Variants in DSG3 observed in about 807,000 individuals in gnomAD.
DSG3 encodes desmoglein-3.
A neutral mutation model predicts 85.9 loss-of-function variants in DSG3; 63 were observed. The observed-to-expected ratio is 0.73, with a 90% confidence interval of 0.60 to 0.90. DSG3 has a LOEUF of 0.90. Among genes scored for constraint, DSG3 ranks in the 40% least tolerant of loss-of-function variants. The probability of loss-of-function intolerance (pLI) is 0.00; values close to 1 mark genes in which losing one functional copy is unlikely to be tolerated. For missense variants in DSG3, 1,220 were observed against 1,219.9 expected (o/e 1.00, Z 0.00); for synonymous variants, 447 against 441.9 (o/e 1.01, Z -0.14).
At chr18:31,449,938 T>G (rs1360374826) in intron 1 of DSG3, among the ~76,000 whole-genome samples, 1 of 152,206 alleles carries the variant, frequency 6.6e-6, no homozygotes, top group East Asian at 1.9e-4. Flanking sequence ...AGACTTTGAA[T>G]GAACAAAAGA....
chr18:31,472,059 C>A (rs1001529319), intron 12 of DSG3, among the ~76,000 whole-genome samples: 1 of 151,956 alleles, frequency 6.6e-6, no homozygotes, highest in African/African-American at 2.4e-5. Flanking sequence ...AAAATAACAA[C>A]AAGAAATGAT....
At chr18:31,449,838 C>A (rs1050821713) in intron 1 of DSG3, among the ~76,000 whole-genome samples, 2 of 152,152 alleles carry the variant, frequency 1.3e-5, no homozygotes, top group Non-Finnish European at 2.9e-5. Flanking sequence ...TGGTAGCCAC[C>A]AGCCACATGT....
intron 1 of DSG3, among the ~76,000 whole-genome samples, chr18:31,453,239 A>C (rs972018804): frequency 3.3e-5 from 5 of 152,222 alleles, no homozygotes; most frequent in Non-Finnish European, 5.9e-5. Context: ...GGACTGATTT[A>C]TTTGAATTAT....
rs141462123 is a variant in DSG3, at chr18:31,467,947, C to T, written c.1637-1142C>T. Among the ~76,000 whole-genome samples the T allele has an allele frequency of 2.3e-3, 345 of 152,282 alleles. 1 individual carries two copies. Among genetic ancestry groups the T allele is most frequent in the Non-Finnish European group, 3.7e-3 (254 of 68,032 alleles). On this transcript the variant is annotated intron_variant, in intron 11 of 15. Transcript: ENST00000257189. ...CCAAATGAGTTTACTGGATACGTGG[C>T]CAATGAAGAGGCTGCCAAAGAAAGA...
At chr18:31,472,896 G>A in intron 14 of DSG3, 108 bp downstream of exon 14, 2 of 954,038 alleles carry the variant, frequency 2.1e-6, no homozygotes, top group Non-Finnish European at 3.2e-6. Flanking sequence ...GTGTGCACAT[G>A]TCAGGAGCTG....
chr18:31,474,701 G>A (rs2072876437), intron 15 of DSG3, among the ~76,000 whole-genome samples: 1 of 152,126 alleles, frequency 6.6e-6, no homozygotes, highest in Non-Finnish European at 1.5e-5. Flanking sequence ...GCTGCAGTGA[G>A]CTATGATGGC....
intron 12 of DSG3, among the ~76,000 whole-genome samples, 170 bp downstream of exon 12, chr18:31,469,519 G>A (rs769734013): frequency 1.7e-4 from 26 of 152,092 alleles, no homozygotes; most frequent in Admixed American, 1.2e-3. Flanking sequence ...GTAACATGTC[G>A]CTTGCTAACA....
At chr18:31,456,324 A>T in intron 1 of DSG3, 116 bp from the exon 2 acceptor site, 1 of 725,494 alleles carries the variant, frequency 1.4e-6, no homozygotes, top group African/African-American at 1.8e-5. Flanking sequence ...ACTTCTTTTG[A>T]AATAGAAACA....
chr18:31,477,578 A>C lies in DSG3; in HGVS notation c.*1318A>C, dbSNP rs1217150809. ...GGATATGGAAAGGGAATTATGAGTA[A>C]CCTCTATTTTTTAAGCCTTGCTTTT... On this transcript the variant is annotated 3_prime_UTR_variant, in exon 16 of 16. Transcript: ENST00000257189. 1.3e-5 allele frequency: 2 copies of C among 152,172 alleles called. No homozygotes were observed. Among genetic ancestry groups the C allele is most frequent in the Non-Finnish European group, 2.9e-5 (2 of 68,026 alleles). 9.4% of individuals were successfully genotyped at this position (152,172 alleles called of 1,614,324 possible).
chr18:31,454,024 C>G (rs1024101789), intron 1 of DSG3, among the ~76,000 whole-genome samples: 1 of 152,078 alleles, frequency 6.6e-6, no homozygotes, highest in Non-Finnish European at 1.5e-5. Flanking sequence ...TAAATATTAA[C>G]TAAAATAATT....
intron 4 of DSG3, 84 bp from the exon 5 acceptor site, chr18:31,458,949 C>T: frequency 6.8e-7 from 1 of 1,470,252 alleles, no homozygotes; most frequent in Non-Finnish European, 9.3e-7. Context: ...GATGTCCATG[C>T]CAACAGAGGC....
chr18:31,449,762 T>G (rs2072700287), intron 1 of DSG3, among the ~76,000 whole-genome samples: 1 of 152,178 alleles, frequency 6.6e-6, no homozygotes, highest in Admixed American at 6.5e-5. Context: ...CACATGCTGT[T>G]TAAACAACAG....
At chr18:31,452,030 G>T (rs1053696679) in intron 1 of DSG3, among the ~76,000 whole-genome samples, 13 of 152,144 alleles carry the variant, frequency 8.5e-5, no homozygotes, top group African/African-American at 3.1e-4. Flanking sequence ...CTGTGCAGCT[G>T]GCTAGGTTGT....
intron 1 of DSG3, among the ~76,000 whole-genome samples, chr18:31,448,767 T>C (rs1433848204): frequency 6.6e-6 from 1 of 152,112 alleles, no homozygotes; most frequent in African/African-American, 2.4e-5. Context: ...ATTTGTATGG[T>C]TTCCATGATA....
chr18:31,466,114 C>T (rs373303096), intron 10 of DSG3, among the ~76,000 whole-genome samples: 19 of 151,902 alleles, frequency 1.3e-4, no homozygotes, highest in Admixed American at 9.2e-4. Flanking sequence ...TAAACTTTAA[C>T]ATTTTGAGTA....
At position 31,467,955 on chromosome 18, in the gene DSG3, G is replaced by T. The variant is rs187784392; in HGVS notation, c.1637-1134G>T. ...GTTTACTGGATACGTGGCCAATGAA[G>T]AGGCTGCCAAAGAAAGATCAGAGAG... On this transcript the variant is annotated intron_variant, in intron 11 of 15. Coordinates refer to ENST00000257189, the MANE Select transcript of DSG3 (RefSeq NM_001944.3). Among the ~76,000 whole-genome samples, 6 of 152,304 alleles carry T rather than the reference G, an allele frequency of 3.9e-5. No individual in the cohort carries two copies. The East Asian group carries it at 1.2e-3, about 29-fold the overall frequency.
intron 10 of DSG3, 57 bp downstream of exon 10, chr18:31,465,514 A>G (rs2144277922): frequency 1.5e-6 from 2 of 1,297,528 alleles, no homozygotes; most frequent in Middle Eastern, 2.0e-4. Flanking sequence ...ATGTTTCTTT[A>G]TGCATAGATG....
chr18:31,459,752 A>C, intron 5 of DSG3, 93 bp from the exon 6 acceptor site: 2 of 1,249,506 alleles, frequency 1.6e-6, no homozygotes, highest in Non-Finnish European at 1.1e-6. Flanking sequence ...ATATTTAAAA[A>C]TTAGCATCAA....
intron 3 of DSG3, 44 bp from the exon 4 acceptor site, chr18:31,458,401 T>A (rs1416724095): frequency 1.3e-6 from 2 of 1,595,382 alleles, no homozygotes; most frequent in Non-Finnish European, 1.7e-6. Flanking sequence ...AGGGAAAGGC[T>A]TGAGTGATGG....
Sources: gnomAD v4.1 joint callset for allele counts (sites outside exome capture counted in the v4.1 genomes callset) on GRCh38, gnomAD v4.1.1 for gene constraint, MANE v1.5 for transcripts, NCBI Gene and HGNC (gene_info 2026-07-23, HGNC 2026-07-21) for gene names.